The following ARHGEF33 variants were observed in gnomAD, a reference collection of about 807,000 sequenced individuals.
ARHGEF33 encodes DH and coiled-coil domain-containing protein ENSP00000381780.
In ARHGEF33, 72 loss-of-function variants were observed where a neutral mutation model predicts 101.9. The observed-to-expected ratio is 0.71, with a 90% CI of 0.58 to 0.86. ARHGEF33 has a LOEUF of 0.86. Among genes scored for constraint, ARHGEF33 ranks in the 40% least tolerant of loss-of-function variants. The probability of loss-of-function intolerance (pLI) is 0.00; values close to 1 mark genes in which losing one functional copy is unlikely to be tolerated. For synonymous variants in ARHGEF33, 499 were observed against 442.5 expected (o/e 1.13, Z -1.60); for missense variants, 1,169 against 1,111.3 (o/e 1.05, Z -0.74).
intron 7 of ARHGEF33, among the ~76,000 whole-genome samples, chr2:38,932,470 A>G (rs1462510670): frequency 1.3e-5 from 2 of 151,648 alleles, no homozygotes; most frequent in African/African-American, 4.9e-5. Context: ...TGCGTAATTC[A>G]TTGAGAGACT....
intron 9 of ARHGEF33, among the ~76,000 whole-genome samples, chr2:38,943,418 T>C (rs1434479050): frequency 6.6e-6 from 1 of 152,208 alleles, no homozygotes; most frequent in African/African-American, 2.4e-5. Context: ...AGTCCCTTTG[T>C]TTTCATTTTA....
intron 1 of ARHGEF33, among the ~76,000 whole-genome samples, chr2:38,892,487 T>C (rs933761386): frequency 2.6e-5 from 4 of 152,072 alleles, no homozygotes; most frequent in Admixed American, 6.6e-5. Flanking sequence ...GGGCAAAGGA[T>C]GAACAATGGG....
chr2:38,955,942 G>A (rs148042290), intron 13 of ARHGEF33, among the ~76,000 whole-genome samples: 1 of 152,152 alleles, frequency 6.6e-6, no homozygotes, highest in African/African-American at 2.4e-5. Context: ...GTGCTGGGAT[G>A]ACAGGTGTGA....
At chr2:38,934,740 A>C (rs949542840) in intron 7 of ARHGEF33, among the ~76,000 whole-genome samples, 2 of 151,102 alleles carry the variant, frequency 1.3e-5, no homozygotes, top group African/African-American at 4.9e-5. Context: ...CAAAACAACA[A>C]AAATTCCAGC....
intron 9 of ARHGEF33, 142 bp downstream of exon 9, chr2:38,937,701 C>T (rs1667183481): frequency 9.6e-6 from 6 of 624,338 alleles, no homozygotes; most frequent in Non-Finnish European, 1.7e-5. Context: ...TTCAGATGAA[C>T]TAAAGCCTAT....
At chr2:38,962,673 T>C (rs1480042380) in intron 16 of ARHGEF33, among the ~76,000 whole-genome samples, 1 of 151,924 alleles carries the variant, frequency 6.6e-6, no homozygotes, top group Non-Finnish European at 1.5e-5. Flanking sequence ...AAGTTCCCAT[T>C]ACTTATTTCT....
intron 16 of ARHGEF33, among the ~76,000 whole-genome samples, chr2:38,963,657 C>T (rs373237857): frequency 4.6e-5 from 7 of 152,292 alleles, no homozygotes; most frequent in African/African-American, 1.7e-4. Flanking sequence ...TAGATTTAGT[C>T]ACTAAATAGT....
At chr2:38,903,997 AG>A (rs1666331819) in intron 2 of ARHGEF33, among the ~76,000 whole-genome samples, 1 of 152,226 alleles carries the variant, frequency 6.6e-6, no homozygotes, top group Admixed American at 6.5e-5. Context: ...CCTATGTACC[AG>A]GGATAATAAG....
At chr2:38,918,729 A>C (rs1397093816) in intron 2 of ARHGEF33, among the ~76,000 whole-genome samples, 4 of 152,162 alleles carry the variant, frequency 2.6e-5, no homozygotes, top group Non-Finnish European at 4.4e-5. Flanking sequence ...ATATCTGCTT[A>C]AGTTTTTTCT....
intron 1 of ARHGEF33, among the ~76,000 whole-genome samples, chr2:38,893,521 C>T (rs183462942): frequency 2.0e-5 from 3 of 152,328 alleles, no homozygotes; most frequent in South Asian, 4.1e-4. Flanking sequence ...CAAATCCTAT[C>T]TTCTTAATGA....
At chr2:38,903,414 T>C (rs1325935799) in intron 2 of ARHGEF33, among the ~76,000 whole-genome samples, 3 of 104,022 alleles carry the variant, frequency 2.9e-5, no homozygotes, top group African/African-American at 5.5e-5. Context: ...TTCAAAGGGA[T>C]GGATTTTTTT....
intron 2 of ARHGEF33, among the ~76,000 whole-genome samples, chr2:38,901,085 CA>C (rs1432668454): frequency 6.6e-6 from 1 of 152,166 alleles, no homozygotes; most frequent in Non-Finnish European, 1.5e-5. Context: ...ACCCCACTCT[CA>C]CCCCAAACAC....
intron 4 of ARHGEF33, 60 bp from the exon 5 acceptor site, chr2:38,928,847 C>A: frequency 1.4e-6 from 2 of 1,447,028 alleles, no homozygotes; most frequent in South Asian, 1.4e-5. Context: ...ATTCAAGGTC[C>A]AATGGTGCCA....
chr2:38,906,677 G>A (rs972394673), intron 2 of ARHGEF33, among the ~76,000 whole-genome samples: 10 of 151,912 alleles, frequency 6.6e-5, no homozygotes, highest in Non-Finnish European at 1.5e-5. Context: ...GTTATAAGAT[G>A]AGACTCGGCT....
intron 2 of ARHGEF33, among the ~76,000 whole-genome samples, chr2:38,910,495 G>A (rs1267849922): frequency 1.3e-5 from 2 of 152,136 alleles, no homozygotes; most frequent in African/African-American, 2.4e-5. Flanking sequence ...GCTTGAACCC[G>A]GGAGGCAGAG....
chr2:38,895,425 A>G (rs921726130), intron 1 of ARHGEF33, among the ~76,000 whole-genome samples: 6 of 152,238 alleles, frequency 3.9e-5, no homozygotes, highest in Non-Finnish European at 5.9e-5. Context: ...TTTTACGGTC[A>G]TATCAACTGC....
chr2:38,943,817 C>T lies in ARHGEF33; in HGVS notation c.791-84C>T, dbSNP rs409240. 1.5e-6 allele frequency: 2 copies of T among 1,352,410 alleles called. 1 individual carries two copies. The highest frequency in any genetic ancestry group is 3.9e-4 in the Middle Eastern group (2 of 5,080). The allele number at this position is 1,352,410 out of a possible 1,614,324, so 83.8% of individuals were successfully genotyped here. ...TTTTTTTTTTATTGCTTTCAATATC[C>T]TTTTATCACTTTTATTGCTTGCATT... On this transcript the variant is annotated intron_variant, in intron 9 of 17. Coordinates refer to ENST00000409978, the MANE Select transcript of ARHGEF33 (RefSeq NM_001145451.5).
intron 7 of ARHGEF33, among the ~76,000 whole-genome samples, chr2:38,932,477 G>A (rs951166331): frequency 6.6e-6 from 1 of 151,966 alleles, no homozygotes; most frequent in Non-Finnish European, 1.5e-5. Context: ...TTCATTGAGA[G>A]ACTGATAGGT....
Position 38,960,112 on chromosome 2 carries a change from C to A in ARHGEF33, c.1807C>A (p.Pro603Thr). Residue 603 changes from proline to threonine, a missense_variant, in exon 16 of 18, where the codon CCC becomes ACC. Physicochemically the swap from Pro to Thr is conservative, Grantham distance 38 (BLOSUM62 -1). Coordinates refer to ENST00000409978, the MANE Select transcript of ARHGEF33 (RefSeq NM_001145451.5). ...CCTGCGCGCCCCGGCCGAGCTCCTG[C>A]CCGATGCCCGCGGCTTCGTGCCCGC... ...RSLRAPAELL[P>T]DARGFVPAAY... The A allele has an allele frequency of 6.5e-7, 1 of 1,542,268 alleles. No homozygotes were observed. Among genetic ancestry groups the A allele is most frequent in the Middle Eastern group, 1.7e-4 (1 of 5,966 alleles).
Sources: gnomAD v4.1 joint callset for allele counts (sites outside exome capture counted in the v4.1 genomes callset) on GRCh38, gnomAD v4.1.1 for gene constraint, MANE v1.5 for transcripts, NCBI Gene and HGNC (gene_info 2026-07-23, HGNC 2026-07-21) for gene names.